The following MCF2L2 variants were observed in gnomAD, a reference collection of about 807,000 sequenced individuals.
The protein encoded by MCF2L2 is probable guanine nucleotide exchange factor MCF2L2.
A neutral mutation model predicts 150.2 loss-of-function variants in MCF2L2; 102 were observed. The observed-to-expected ratio is 0.68, with a 90% CI of 0.58 to 0.80. MCF2L2 has a LOEUF of 0.80. MCF2L2 is among the 30% of genes least tolerant of loss of function. The pLI is 0.00. For missense variants in MCF2L2, 1,256 were observed against 1,372.8 expected, an observed-to-expected ratio of 0.91 and a Z score of 1.34; for synonymous variants, 465 against 491.3, an observed-to-expected ratio of 0.95 and a Z score of 0.71.
chr3:183,306,783 G>A (rs1729119987), intron 10 of MCF2L2, among the ~76,000 whole-genome samples: 1 of 152,216 alleles, frequency 6.6e-6, no homozygotes, highest in African/African-American at 2.4e-5. Flanking sequence ...CCAACAAGAT[G>A]ACATCCTTAG....
At chr3:183,210,989 T>C (rs1722697576) in intron 22 of MCF2L2, among the ~76,000 whole-genome samples, 1 of 151,942 alleles carries the variant, frequency 6.6e-6, no homozygotes, top group Admixed American at 6.6e-5. Context: ...GAGGAAGTGG[T>C]GACCAGCAGG....
intron 18 of MCF2L2, chr3:183,224,909 A>G (rs1376046977): frequency 1.3e-5 from 2 of 152,294 alleles, no homozygotes; most frequent in Non-Finnish European, 2.9e-5. Context: ...CATATCTGCC[A>G]ATCTCCCGGA....
At chr3:183,346,797 C>A (rs1346677723) in intron 3 of MCF2L2, among the ~76,000 whole-genome samples, 1 of 152,128 alleles carries the variant, frequency 6.6e-6, no homozygotes, top group African/African-American at 2.4e-5. Context: ...TGAGTGAATT[C>A]CCATTCACAA....
intron 22 of MCF2L2, among the ~76,000 whole-genome samples, chr3:183,213,882 G>A (rs1204521281): frequency 6.6e-6 from 1 of 152,182 alleles, no homozygotes; most frequent in Non-Finnish European, 1.5e-5. Context: ...TGTATTAGAT[G>A]TAAAAGTAAG....
At chr3:183,194,191 G>A (rs1439322763) in intron 26 of MCF2L2, among the ~76,000 whole-genome samples, 5 of 152,148 alleles carry the variant, frequency 3.3e-5, no homozygotes, top group Admixed American at 2.6e-4. Flanking sequence ...AGGGTCTAGC[G>A]GGGGTTCCAT....
At chr3:183,239,737 C>T (rs928860410) in intron 15 of MCF2L2, among the ~76,000 whole-genome samples, 3 of 152,208 alleles carry the variant, frequency 2.0e-5, no homozygotes, top group Admixed American at 6.5e-5. Flanking sequence ...GAAAGCATTA[C>T]AGATTTTTAC....
intron 9 of MCF2L2, 24 bp downstream of exon 9, chr3:183,310,891 T>C (rs1577053875): frequency 6.6e-7 from 1 of 1,524,318 alleles, no homozygotes; most frequent in Non-Finnish European, 9.1e-7. Context: ...GAAAAGAAAG[T>C]TACAGTAAAC....
At chr3:183,251,003 A>C (rs1331634917) in intron 15 of MCF2L2, among the ~76,000 whole-genome samples, 3 of 152,218 alleles carry the variant, frequency 2.0e-5, no homozygotes, top group Admixed American at 1.3e-4. Flanking sequence ...CCTTGCAGGC[A>C]GGTATTACTG....
chr3:183,370,983 G>A (rs565199509), intron 3 of MCF2L2, among the ~76,000 whole-genome samples: 6 of 152,194 alleles, frequency 3.9e-5, no homozygotes, highest in African/African-American at 1.2e-4. Context: ...CTCTGTACTC[G>A]TGACTGTACA....
chr3:183,202,096 G>A (rs1039860306), intron 25 of MCF2L2, among the ~76,000 whole-genome samples: 7 of 152,148 alleles, frequency 4.6e-5, no homozygotes, highest in African/African-American at 7.2e-5. Flanking sequence ...CATGGGAGGG[G>A]CAGAACAGGA....
chr3:183,297,210 A>G (rs1217971247), intron 11 of MCF2L2, 43 bp from the exon 12 acceptor site: 1 of 1,543,056 alleles, frequency 6.5e-7, no homozygotes, highest in Admixed American at 1.7e-5. Flanking sequence ...GCCTGACCAC[A>G]ACTCAGAGCC....
chr3:183,373,397 C>G (rs1447317008), intron 3 of MCF2L2: 1 of 152,092 alleles, frequency 6.6e-6, no homozygotes, highest in African/African-American at 2.4e-5. Flanking sequence ...GAAATTGAAT[C>G]TTTTTATATA....
rs1198110281 is a variant in MCF2L2, at chr3:183,330,273, A to AAAAAGGAAAGGAAAAGG, written c.487-6939_487-6923dup. ...AAAAAAAAAAAAAAAAGAAGAAGAAAAAAAGGAAAGGAAAAGGAAAAGGAA... is the reference window on the plus strand; with the variant it reads ...AAAAAAAAAAAAAAAAGAAGAAGAAAAAAAGGAAAGGAAAAGGAAAAGGAAAGGAAAAGGAAAAGGAA... On this transcript the variant is annotated intron_variant, in intron 5 of 29. Transcript: ENST00000328913. Among the ~76,000 whole-genome samples, 11 of 150,736 alleles carry AAAAAGGAAAGGAAAAGG rather than the reference A, an allele frequency of 7.3e-5. 1 individual carries two copies. In the South Asian group the frequency reaches 1.9e-3, roughly 26 times the overall value.
At chr3:183,329,821 A>C (rs73053364) in intron 5 of MCF2L2, among the ~76,000 whole-genome samples, 35,350 of 152,198 alleles carry the variant, frequency 0.23, 4,655 homozygotes, top group African/African-American at 0.35. Context: ...TGCTACATGC[A>C]TGGGCTAACT....
rs145478160 is a variant in MCF2L2, at chr3:183,296,932, A to G, written c.1497+44T>C. ...AGAAGGTACAGTCCCTCCCTCCCCTATCCGTTTCCCAACCACAGGATCAAA... is the reference window on the plus strand; with the variant it reads ...AGAAGGTACAGTCCCTCCCTCCCCTGTCCGTTTCCCAACCACAGGATCAAA... On this transcript the variant is annotated intron_variant, in intron 12 of 29. Coordinates refer to ENST00000328913, the MANE Select transcript of MCF2L2 (RefSeq NM_015078.4). 7.0e-6 allele frequency: 11 copies of G among 1,582,240 alleles called. No individual in the cohort carries two copies. In the African/African-American group the frequency reaches 1.1e-4, roughly 15 times the overall value.
chr3:183,325,696 G>GCA (rs1449588847), intron 5 of MCF2L2, among the ~76,000 whole-genome samples: 1 of 152,162 alleles, frequency 6.6e-6, no homozygotes, highest in Non-Finnish European at 1.5e-5. Flanking sequence ...AAGTAACCTT[G>GCA]CACAGGGTCT....
chr3:183,320,105 T>C (rs1729750383), intron 6 of MCF2L2, among the ~76,000 whole-genome samples: 1 of 151,686 alleles, frequency 6.6e-6, no homozygotes, highest in Non-Finnish European at 1.5e-5. Context: ...TTTTTTTTTT[T>C]TTTTTGAGAC....
At chr3:183,327,571 C>G (rs1730102991) in intron 5 of MCF2L2, among the ~76,000 whole-genome samples, 1 of 152,108 alleles carries the variant, frequency 6.6e-6, no homozygotes, top group South Asian at 2.1e-4. Flanking sequence ...ACATAATGCT[C>G]CTCATGTTCC....
At chr3:183,256,110 TA>T (rs1212094514) in intron 15 of MCF2L2, among the ~76,000 whole-genome samples, 1 of 152,238 alleles carries the variant, frequency 6.6e-6, no homozygotes, top group Non-Finnish European at 1.5e-5. Flanking sequence ...TATGCTGAAG[TA>T]AATAGATCTC....
Sources: allele counts gnomAD v4.1 joint callset (sites outside exome capture counted in the v4.1 genomes callset), GRCh38; gene constraint gnomAD v4.1.1; transcripts MANE v1.5; gene names NCBI Gene and HGNC (gene_info 2026-07-23, HGNC 2026-07-21).